The following CNTNAP4 variants were observed in gnomAD, a reference collection of about 807,000 sequenced individuals.
The protein encoded by CNTNAP4 is contactin-associated protein-like 4.
In CNTNAP4, 98 loss-of-function variants were observed where a neutral mutation model predicts 148.4. The ratio of observed to expected loss-of-function variants is 0.66; its 90% CI spans 0.56 to 0.78. The LOEUF is 0.78. Among genes scored for constraint, CNTNAP4 ranks in the 30% least tolerant of loss-of-function variants. The probability of loss-of-function intolerance (pLI) is 0.00; values close to 1 mark genes in which losing one functional copy is unlikely to be tolerated. For missense variants in CNTNAP4, 1,935 were observed against 1,565.6 expected, an observed-to-expected ratio of 1.24 and a Z score of -3.98; for synonymous variants, 730 against 565.1, an observed-to-expected ratio of 1.29 and a Z score of -4.14.
At chr16:76,373,644 C>T (rs982914634) in intron 3 of CNTNAP4, among the ~76,000 whole-genome samples, 2 of 152,082 alleles carry the variant, frequency 1.3e-5, no homozygotes, top group African/African-American at 2.4e-5. Flanking sequence ...CCTGTAATCT[C>T]AGCACTTTGG....
chr16:76,446,074 A>AT (rs1377376030), intron 4 of CNTNAP4, among the ~76,000 whole-genome samples: 7 of 56,884 alleles, frequency 1.2e-4, no homozygotes, highest in African/African-American at 4.5e-4. Flanking sequence ...CTATAAGCAC[A>AT]TTAGCAAAAT....
At chr16:76,390,901 A>G (rs924946154) in intron 3 of CNTNAP4, among the ~76,000 whole-genome samples, 1 of 151,778 alleles carries the variant, frequency 6.6e-6, no homozygotes, top group Non-Finnish European at 1.5e-5. Context: ...ATTGGTGTAT[A>G]TATTTATGGG....
chr16:76,448,777 A>G lies in CNTNAP4; in HGVS notation c.753A>G (p.Lys251=). ...TTCTCCTCTTCTAAGGTGAAGCTAAACTGCCTTCCACTTCCACCCTGGTCA... is the reference window on the plus strand; with the variant it reads ...TTCTCCTCTTCTAAGGTGAAGCTAAGCTGCCTTCCACTTCCACCCTGGTCA... ...LFLLINSGEA[K]LPSTSTLVNL... is the part of the protein sequence containing the mutation. The change falls in exon 6 of 24, where the codon AAA becomes AAG. Residue 251 remains lysine (K), a synonymous_variant. Coordinates refer to ENST00000611870, the MANE Select transcript of CNTNAP4 (RefSeq NM_033401.5). 1 of 1,606,222 alleles carries G rather than the reference A, an allele frequency of 6.2e-7. No homozygotes were observed. Among genetic ancestry groups the G allele is most frequent in the Non-Finnish European group, 8.5e-7 (1 of 1,176,274 alleles).
Position 76,333,283 on chromosome 16 carries a change from G to C in CNTNAP4, c.196+16760G>C, listed in dbSNP as rs542800981. On this transcript the variant is annotated intron_variant, in intron 2 of 23. Transcript: ENST00000611870. The stretch of plus-strand genomic sequence containing the variant: ...TATAGCCATGATGTGTCTCTTGTAT[G>C]TACTACGCTTTCTGTTTCTTGAATA... Among the ~76,000 whole-genome samples, 224 of 152,216 alleles carry C rather than the reference G, an allele frequency of 1.5e-3. 4 individuals are homozygous for C. Among genetic ancestry groups the C allele is most frequent in the Non-Finnish European group, 8.5e-4 (58 of 68,004 alleles).
rs551345091 is a variant in CNTNAP4, at chr16:76,440,271, T to G, written c.539-7741T>G. Reference sequence around the variant, plus strand: ...AGACTCTAGTGTCTTTTTCAATCACTCTTTCATGACCTTCAAATACAGTTA... The same window carrying G: ...AGACTCTAGTGTCTTTTTCAATCACGCTTTCATGACCTTCAAATACAGTTA... On this transcript the variant is annotated intron_variant, in intron 4 of 23. Transcript: ENST00000611870. Among the ~76,000 whole-genome samples the G allele has an allele frequency of 1.4e-4, 22 of 152,254 alleles. No homozygotes were observed. The South Asian group carries it at 2.5e-3, about 17-fold the overall frequency.
intron 4 of CNTNAP4, among the ~76,000 whole-genome samples, chr16:76,442,487 T>C (rs1020993065): frequency 6.6e-6 from 1 of 152,142 alleles, no homozygotes; most frequent in Non-Finnish European, 1.5e-5. Context: ...GAGGTTTATT[T>C]AGCTTATGGT....
At chr16:76,385,547 AGTGTGT>A (rs3035895) in intron 3 of CNTNAP4, among the ~76,000 whole-genome samples, 6,480 of 148,956 alleles carry the variant, frequency 0.044, 240 homozygotes, top group Admixed American at 0.13. Context: ...TTTAATTAGA[AGTGTGT>A]GTGTGTGTGT....
chr16:76,520,225 C>T (rs2083403527), intron 15 of CNTNAP4, among the ~76,000 whole-genome samples: 1 of 152,140 alleles, frequency 6.6e-6, no homozygotes, highest in Non-Finnish European at 1.5e-5. Flanking sequence ...CTCCTGTATC[C>T]AGTCGGATTT....
chr16:76,450,279 A>G (rs2080411271), intron 7 of CNTNAP4, among the ~76,000 whole-genome samples: 1 of 152,028 alleles, frequency 6.6e-6, no homozygotes, highest in African/African-American at 2.4e-5. Context: ...CCTCCTGAGT[A>G]GCTGGGACTT....
intron 14 of CNTNAP4, among the ~76,000 whole-genome samples, chr16:76,496,794 AAG>A (rs1175961017): frequency 6.6e-6 from 1 of 152,214 alleles, no homozygotes; most frequent in Non-Finnish European, 1.5e-5. Context: ...ATATTCAAAA[AAG>A]AGTACATTTT....
chr16:76,421,328 A>T (rs560936111), intron 3 of CNTNAP4, among the ~76,000 whole-genome samples: 2 of 152,032 alleles, frequency 1.3e-5, no homozygotes, highest in African/African-American at 4.8e-5. Flanking sequence ...GCAAATTGAG[A>T]TGTATTATAC....
chr16:76,338,107 C>T (rs1040808348), intron 2 of CNTNAP4, among the ~76,000 whole-genome samples: 10 of 152,128 alleles, frequency 6.6e-5, no homozygotes, highest in South Asian at 2.1e-4. Context: ...TAAAGACAGA[C>T]ATAAGAAATT....
intron 2 of CNTNAP4, among the ~76,000 whole-genome samples, chr16:76,319,152 G>C (rs1036388898): frequency 6.6e-6 from 1 of 152,100 alleles, no homozygotes; most frequent in Non-Finnish European, 1.5e-5. Flanking sequence ...CACTTTGAAA[G>C]TCTGAGGCAG....
At chr16:76,489,914 A>G (rs751076110) in intron 13 of CNTNAP4, 31 bp downstream of exon 13, 3 of 1,417,712 alleles carry the variant, frequency 2.1e-6, no homozygotes, top group Non-Finnish European at 1.9e-6. Flanking sequence ...GTCTTGTTGC[A>G]CACATCACAT....
intron 3 of CNTNAP4, among the ~76,000 whole-genome samples, chr16:76,403,384 C>T (rs575724478): frequency 5.0e-4 from 76 of 152,240 alleles, no homozygotes; most frequent in African/African-American, 1.7e-3. Context: ...TGAGCCACTG[C>T]GCCCAGCCGT....
chr16:76,330,721 C>G (rs1007274743), intron 2 of CNTNAP4, among the ~76,000 whole-genome samples: 1 of 152,114 alleles, frequency 6.6e-6, no homozygotes, highest in Non-Finnish European at 1.5e-5. Flanking sequence ...TGCTCTTTTG[C>G]TCTTAGCACT....
At chr16:76,354,185 A>G (rs1007464385) in intron 2 of CNTNAP4, among the ~76,000 whole-genome samples, 1 of 152,220 alleles carries the variant, frequency 6.6e-6, no homozygotes, top group Non-Finnish European at 1.5e-5. Flanking sequence ...AGAATGAGTC[A>G]AACCCTATTT....
At chr16:76,419,467 A>G (rs2079105094) in intron 3 of CNTNAP4, among the ~76,000 whole-genome samples, 1 of 152,080 alleles carries the variant, frequency 6.6e-6, no homozygotes, top group African/African-American at 2.4e-5. Context: ...TAAAGCCCAC[A>G]GAAATGTGGA....
At chr16:76,358,150 A>G (rs538751550) in intron 3 of CNTNAP4, among the ~76,000 whole-genome samples, 295 of 152,292 alleles carry the variant, frequency 1.9e-3, no homozygotes, top group African/African-American at 6.8e-3. Flanking sequence ...CCTGGCCAAC[A>G]TGGTGAAACC....
Sources: allele counts gnomAD v4.1 joint callset (sites outside exome capture counted in the v4.1 genomes callset), GRCh38; gene constraint gnomAD v4.1.1; transcripts MANE v1.5; gene names NCBI Gene and HGNC (gene_info 2026-07-23, HGNC 2026-07-21).